AATK: variants seen among roughly 807,000 people sequenced by gnomAD.
AATK encodes lemur tail kinase 1, also known as serine/threonine-protein kinase LMTK1.
A neutral mutation model predicts 114.3 loss-of-function variants in AATK; 91 were observed. The observed-to-expected ratio is 0.80, with a 90% confidence interval of 0.67 to 0.95. The LOEUF is 0.95. Among genes scored for constraint, AATK ranks in the 40% least tolerant of loss-of-function variants. The pLI, the probability that AATK is intolerant of heterozygous loss-of-function variation, is 0.00. For missense variants in AATK, 2,176 were observed against 1,965.2 expected, an observed-to-expected ratio of 1.11 and a Z score of -2.03; for synonymous variants, 1,075 against 916.5, an observed-to-expected ratio of 1.17 and a Z score of -3.12.
rs377627608 is a variant in AATK, at chr17:81,117,458, C to T, written c.*944G>A. On this transcript the variant is annotated 3_prime_UTR_variant, in exon 14 of 14. Coordinates refer to ENST00000326724, the MANE Select transcript of AATK (RefSeq NM_001080395.3). ...AACTTAAAATCACCCAACTTCCATT[C>T]GCTCCAACCACAGCAGTTAGTTAGT... is the stretch of plus-strand genomic sequence containing the variant. The T allele has an allele frequency of 2.0e-5, 3 of 152,268 alleles. No individual in the cohort carries two copies. The highest frequency in any genetic ancestry group is 4.4e-5 in the Non-Finnish European group (3 of 68,066). 9.4% of individuals were successfully genotyped at this position (152,268 alleles called of 1,614,324 possible).
chr17:81,119,307 AG>A (rs1157536959), intron 13 of AATK, 72 bp downstream of exon 13: 8 of 1,363,478 alleles, frequency 5.9e-6, no homozygotes, highest in Non-Finnish European at 7.6e-6. Context: ...ACCTAGACGG[AG>A]GGGCCCCACC....
chr17:81,165,832 G>A (rs921921104), intron 1 of AATK, 106 bp downstream of exon 1: 3 of 1,515,112 alleles, frequency 2.0e-6, no homozygotes, highest in East Asian at 2.5e-5. Flanking sequence ...GCTCGGGGCG[G>A]GGAAAGGGTT....
At chr17:81,144,020 CG>C (rs1300278347) in intron 1 of AATK, among the ~76,000 whole-genome samples, 1 of 152,202 alleles carries the variant, frequency 6.6e-6, no homozygotes, top group Non-Finnish European at 1.5e-5. Flanking sequence ...CCTGCAGGGA[CG>C]GGTGGCCAGG....
At chr17:81,130,109 G>A (rs1048499581) in intron 3 of AATK, among the ~76,000 whole-genome samples, 1 of 152,260 alleles carries the variant, frequency 6.6e-6, no homozygotes, top group South Asian at 2.1e-4. Context: ...GCCAGGCACG[G>A]CTCAGAGCAG....
At chr17:81,125,469 G>A in intron 7 of AATK, 2 of 377,352 alleles carry the variant, frequency 5.3e-6, no homozygotes. Flanking sequence ...CCAGTTTTAG[G>A]GTCCAGCCCT....
chr17:81,165,869 G>A, intron 1 of AATK, 69 bp downstream of exon 1: 1 of 1,536,446 alleles, frequency 6.5e-7, no homozygotes, highest in South Asian at 1.2e-5. Flanking sequence ...GGGAGCCGTG[G>A]GGCCCAGGGG....
rs2060697907 is a variant in AATK, at chr17:81,121,393, C to T, written c.2543G>A (p.Ser848Asn). Residue 848 changes from serine to asparagine, a missense_variant, in exon 11 of 14, where the codon AGC (serine) becomes AAC (asparagine). Around this residue, in one of 4 missense-constraint regions of AATK, gnomAD observed 1,701 missense variants for 1,394.7 expected, o/e 1.22. Coordinates refer to ENST00000326724, the MANE Select transcript of AATK (RefSeq NM_001080395.3). ...IKLASALNGS[S>N]SSPEVEAPSS... is the part of the protein sequence containing the mutation. The stretch of plus-strand genomic sequence containing the variant: ...GGGTGCCTCCACCTCGGGAGAGCTG[C>T]TGCTGCCATTCAGGGCAGAAGCCAG... 1 of 1,609,174 alleles carries T rather than the reference C, an allele frequency of 6.2e-7. No homozygotes were observed. The highest frequency in any genetic ancestry group is 8.5e-7 in the Non-Finnish European group (1 of 1,178,782).
intron 1 of AATK, among the ~76,000 whole-genome samples, chr17:81,163,150 C>T (rs2061444802): frequency 6.6e-6 from 1 of 152,158 alleles, no homozygotes; most frequent in Non-Finnish European, 1.5e-5. Flanking sequence ...TCAGGCTGAG[C>T]GCGCCTCTCC....
chr17:81,131,836 C>T, intron 2 of AATK: 2 of 1,298,888 alleles, frequency 1.5e-6, no homozygotes, highest in South Asian at 2.5e-5. Flanking sequence ...CCTGCCGGGA[C>T]AAGGAGCATT....
chr17:81,154,477 T>C (rs34320504), intron 1 of AATK, among the ~76,000 whole-genome samples: 44,185 of 148,020 alleles, frequency 0.3, 7,625 homozygotes, highest in Middle Eastern at 0.42. Flanking sequence ...CCCACCACCA[T>C]GCCCTGCTAA....
chr17:81,150,449 T>C (rs565865881), intron 1 of AATK, among the ~76,000 whole-genome samples: 1 of 127,264 alleles, frequency 7.9e-6, no homozygotes, highest in East Asian at 2.7e-4. Context: ...TACTCCTCAG[T>C]ACCCCCGGCA....
In AATK at chr17:81,126,753, G is replaced by T; in HGVS notation, c.622-193C>A. ...AGGGGGGCCGTGTCCCCCAGGGCTG[G>T]GCTGGACTGAAGGCTTCCTCTCCAC... On this transcript the variant is annotated intron_variant, in intron 6 of 13. Transcript: ENST00000326724. The surrounding 1 kb of genome is among the most constrained non-coding windows in gnomAD (Gnocchi z 5.1). The T allele has an allele frequency of 7.1e-7, 1 of 1,408,672 alleles. No homozygotes were observed. The highest frequency in any genetic ancestry group is 9.2e-7 in the Non-Finnish European group (1 of 1,083,312). 87.3% of individuals were successfully genotyped at this position (1,408,672 alleles called of 1,614,324 possible).
intron 1 of AATK, among the ~76,000 whole-genome samples, chr17:81,164,483 C>T (rs1598237570): frequency 6.6e-6 from 1 of 152,374 alleles, no homozygotes; most frequent in Non-Finnish European, 1.5e-5. Flanking sequence ...AACTTCTTTT[C>T]CTCTAAGTCA....
At chr17:81,140,286 T>C (rs950561623) in intron 1 of AATK, among the ~76,000 whole-genome samples, 15 of 152,226 alleles carry the variant, frequency 9.9e-5, no homozygotes, top group African/African-American at 3.4e-4. Context: ...GTATCAGTGC[T>C]CAAGACACTA....
At position 81,123,349 on chromosome 17, in the gene AATK, G is replaced by A. The variant is rs892164522; in HGVS notation, c.963-6C>T. 2.9e-6 allele frequency: 4 copies of A among 1,362,938 alleles called. No individual in the cohort carries two copies. Among genetic ancestry groups the A allele is most frequent in the Non-Finnish European group, 3.8e-6 (4 of 1,057,476 alleles). The allele number at this position is 1,362,938 out of a possible 1,614,324, so 84.4% of individuals were successfully genotyped here. A position where few individuals can be genotyped will look rare whatever the true frequency, so the allele number is the denominator to read the frequency against. The stretch of plus-strand genomic sequence containing the variant: ...AGATGGTCACGCCCAGGGACCTGTG[G>A]GGCGACAGCCGTGAGCCAGGGCTGG... On this transcript the variant is annotated splice_region_variant and splice_polypyrimidine_tract_variant and intron_variant, in intron 9 of 13. Coordinates refer to ENST00000326724, the MANE Select transcript of AATK (RefSeq NM_001080395.3).
At chr17:81,156,137 AC>A (rs869166756) in intron 1 of AATK, among the ~76,000 whole-genome samples, 3 of 22,602 alleles carry the variant, frequency 1.3e-4, no homozygotes, top group Admixed American at 6.8e-4. Context: ...AATGTATGTT[AC>A]TATGTTACAA....
At chr17:81,157,198 G>A (rs2061377100) in intron 1 of AATK, among the ~76,000 whole-genome samples, 1 of 152,234 alleles carries the variant, frequency 6.6e-6, no homozygotes, top group African/African-American at 2.4e-5. Flanking sequence ...CGGATAAGGA[G>A]GATGCAGGCC....
intron 1 of AATK, among the ~76,000 whole-genome samples, chr17:81,147,221 C>T (rs773582044): frequency 1.3e-5 from 2 of 151,630 alleles, no homozygotes; most frequent in East Asian, 3.9e-4. Flanking sequence ...ATTAGCCAGG[C>T]GTGGTGGCAG....
At chr17:81,152,944 A>G (rs2061316119) in intron 1 of AATK, among the ~76,000 whole-genome samples, 1 of 151,434 alleles carries the variant, frequency 6.6e-6, no homozygotes, top group South Asian at 2.1e-4. Flanking sequence ...CCAGGTTCAC[A>G]TGATTCTCTC....
Sources: gnomAD v4.1 joint callset for allele counts (sites outside exome capture counted in the v4.1 genomes callset) on GRCh38, gnomAD v4.1.1 for gene constraint, gnomAD v4.1.1 regional missense constraint, Gnocchi (gnomAD v3.1) non-coding constraint, MANE v1.5 for transcripts, NCBI Gene and HGNC (gene_info 2026-07-23, HGNC 2026-07-21) for gene names.